Variants in MRPS35 observed in about 807,000 individuals in gnomAD.
MRPS35 encodes mitochondrial ribosomal protein S35.
Under a neutral mutation model 32.7 loss-of-function variants are expected in MRPS35, and 29 were observed. The observed-to-expected ratio is 0.89, with a 90% CI of 0.66 to 1.21. MRPS35 has a LOEUF of 1.21. Among genes scored for constraint, MRPS35 ranks in the 50% most tolerant of loss-of-function variants. The pLI is 0.00. For missense variants in MRPS35, 373 were observed against 383.8 expected (o/e 0.97, Z 0.23); for synonymous variants, 148 against 139.3 (o/e 1.06, Z -0.44).
At chr12:27,724,822 A>G (rs61915363) in intron 5 of MRPS35, among the ~76,000 whole-genome samples, 7,668 of 152,258 alleles carry the variant, frequency 0.05, 266 homozygotes, top group Non-Finnish European at 0.078. Context: ...ATTTTAGTAT[A>G]TAGTCACAGC....
rs534211715 is a variant in MRPS35, at chr12:27,730,762, G to C, written c.523-4685G>C. ...CTGGGATTACAGGCAGTGAGCCACT[G>C]TGCCGGCCATGATTTGTCAGTGATG... On this transcript the variant is annotated intron_variant, in intron 5 of 7. Coordinates refer to ENST00000081029, the MANE Select transcript of MRPS35 (RefSeq NM_021821.4). Among the ~76,000 whole-genome samples, 3 of 152,240 alleles carry C rather than the reference G, an allele frequency of 2.0e-5. No individual in the cohort carries two copies. In the East Asian group the frequency reaches 5.8e-4, roughly 29 times the overall value.
At chr12:27,734,542 A>G (rs2061935779) in intron 5 of MRPS35, among the ~76,000 whole-genome samples, 1 of 152,094 alleles carries the variant, frequency 6.6e-6, no homozygotes, top group South Asian at 2.1e-4. Context: ...TGCCTGGCCT[A>G]TCTTCTTGTA....
At chr12:27,755,146 C>A in intron 7 of MRPS35, 35 bp from the exon 8 acceptor site, 1 of 1,480,296 alleles carries the variant, frequency 6.8e-7, no homozygotes, top group South Asian at 1.4e-5. Flanking sequence ...TCTCAGAATT[C>A]AGAACTCATT....
At chr12:27,749,565 A>C (rs2140783676) in intron 7 of MRPS35, among the ~76,000 whole-genome samples, 1 of 152,248 alleles carries the variant, frequency 6.6e-6, no homozygotes, top group South Asian at 2.1e-4. Context: ...TTTACCTTCG[A>C]AGTTTTAGTT....
intron 7 of MRPS35, among the ~76,000 whole-genome samples, chr12:27,742,895 C>T (rs2061969350): frequency 6.6e-6 from 1 of 151,990 alleles, no homozygotes. Flanking sequence ...TTTGCTTTGT[C>T]ACCCAGGCTG....
chr12:27,735,725 C>G (rs1839791925), intron 6 of MRPS35, among the ~76,000 whole-genome samples, 169 bp downstream of exon 6: 2 of 152,204 alleles, frequency 1.3e-5, no homozygotes, highest in South Asian at 4.1e-4. Context: ...CACTGGCCTA[C>G]TATTGCTGTG....
intron 4 of MRPS35, among the ~76,000 whole-genome samples, chr12:27,720,490 A>T (rs949821715): frequency 6.6e-6 from 1 of 152,010 alleles, no homozygotes; most frequent in African/African-American, 2.4e-5. Flanking sequence ...TGAAGAAATT[A>T]TTTAAAATTT....
intron 6 of MRPS35, among the ~76,000 whole-genome samples, chr12:27,735,759 G>A (rs1161754847): frequency 6.6e-6 from 1 of 152,160 alleles, no homozygotes; most frequent in Non-Finnish European, 1.5e-5. Context: ...GGCATGCTTA[G>A]CTAATTTAAT....
At chr12:27,730,314 A>G (rs886831658) in intron 5 of MRPS35, among the ~76,000 whole-genome samples, 2 of 152,184 alleles carry the variant, frequency 1.3e-5, no homozygotes, top group Admixed American at 6.5e-5. Flanking sequence ...TGATGACCTT[A>G]ACAGTTTTGA....
intron 4 of MRPS35, 120 bp downstream of exon 4, chr12:27,719,988 C>T (rs1253277203): frequency 2.8e-6 from 2 of 705,162 alleles, no homozygotes; most frequent in Admixed American, 5.3e-5. Flanking sequence ...TGTTACATGT[C>T]AAGTCTGCAA....
At chr12:27,743,102 C>A (rs2061970106) in intron 7 of MRPS35, among the ~76,000 whole-genome samples, 1 of 151,886 alleles carries the variant, frequency 6.6e-6, no homozygotes, top group Admixed American at 6.6e-5. Context: ...CTCAGGTGAT[C>A]CTCCTGCCTC....
chr12:27,755,075 TA>T, intron 7 of MRPS35, 105 bp from the exon 8 acceptor site: 1 of 1,340,322 alleles, frequency 7.5e-7, no homozygotes, highest in Non-Finnish European at 1.0e-6. Context: ...TCTCTTCCCT[TA>T]AAAAGGAAGG....
chr12:27,735,978 A>G (rs892725446), intron 6 of MRPS35, among the ~76,000 whole-genome samples: 1 of 152,234 alleles, frequency 6.6e-6, no homozygotes, highest in Non-Finnish European at 1.5e-5. Flanking sequence ...TAAATAATCA[A>G]AATCTCAGAG....
intron 1 of MRPS35, among the ~76,000 whole-genome samples, chr12:27,711,505 G>A (rs2061823574): frequency 6.6e-6 from 1 of 152,220 alleles, no homozygotes; most frequent in African/African-American, 2.4e-5. Context: ...GCTATGTAGG[G>A]TGAGAGGCGC....
rs148692601 is a variant in MRPS35 at position 27,710,877 on chromosome 12, C to G, written c.34C>G (p.Leu12Val). The stretch of plus-strand genomic sequence containing the variant: ...CGCCGCGCTCCCAGCATGGCTGTCT[C>G]TGCAGTCGAGGGCAAGGACTCTGCG... ...AAAALPAWLS[L>V]QSRARTLRAF... The change falls in exon 1 of 8, where the codon CTG (leucine) becomes GTG (valine). Residue 12 changes from leucine to valine, a missense_variant. Physicochemically the swap from Leu to Val is conservative, Grantham distance 32. Transcript: ENST00000081029. 4 of 1,611,450 alleles carry G rather than the reference C, an allele frequency of 2.5e-6. No individual in the cohort carries two copies. In the Admixed American group the frequency reaches 5.0e-5, roughly 20 times the overall value.
intron 3 of MRPS35, among the ~76,000 whole-genome samples, chr12:27,718,467 T>C (rs2061859897): frequency 6.6e-6 from 1 of 152,192 alleles, no homozygotes; most frequent in Non-Finnish European, 1.5e-5. Context: ...GCATAATTCG[T>C]GGAGTAACTT....
At position 27,714,810 on chromosome 12, in the gene MRPS35, CAAG is replaced by C; in HGVS notation, c.149_151del (p.Arg50del). 1 of 1,610,418 alleles carries C rather than the reference CAAG, an allele frequency of 6.2e-7. No individual in the cohort carries two copies. Among genetic ancestry groups the C allele is most frequent in the Non-Finnish European group, 8.5e-7 (1 of 1,177,214 alleles). ...AGAACACCCGGAAATGAAAGGCCAC[CAAG>C]AAGAAAGGTAAAAAGTTCGTATACT... On this transcript the variant is annotated inframe_deletion, in exon 2 of 8. Coordinates refer to ENST00000081029, the MANE Select transcript of MRPS35 (RefSeq NM_021821.4).
intron 7 of MRPS35, among the ~76,000 whole-genome samples, chr12:27,746,804 G>A (rs150273258): frequency 6.6e-6 from 1 of 152,234 alleles, no homozygotes; most frequent in African/African-American, 2.4e-5. Context: ...TACCAAATAA[G>A]TTACCAAGTC....
At chr12:27,743,172 T>C (rs2061970344) in intron 7 of MRPS35, among the ~76,000 whole-genome samples, 1 of 152,024 alleles carries the variant, frequency 6.6e-6, no homozygotes, top group South Asian at 2.1e-4. Context: ...CCTCTCACTG[T>C]TTCACTGTTC....
Sources: allele counts gnomAD v4.1 joint callset (sites outside exome capture counted in the v4.1 genomes callset), GRCh38; gene constraint gnomAD v4.1.1; transcripts MANE v1.5; gene names NCBI Gene and HGNC (gene_info 2026-07-23, HGNC 2026-07-21).